The following FBXL20 variants were observed in gnomAD, a reference collection of about 807,000 sequenced individuals.
FBXL20 encodes F-box/LRR-repeat protein 20.
A neutral mutation model predicts 64.0 loss-of-function variants in FBXL20; 11 were observed. That is an observed-to-expected ratio of 0.17 (90% confidence interval 0.11 to 0.28). The LOEUF is 0.28. FBXL20 is among the 10% of genes least tolerant of loss of function. The pLI is 1.00. For synonymous variants in FBXL20, 184 were observed against 189.0 expected, an observed-to-expected ratio of 0.97 and a Z score of 0.22; for missense variants, 303 against 526.2, an observed-to-expected ratio of 0.58 and a Z score of 4.15.
At position 39,346,705 on chromosome 17, in the gene FBXL20, T is replaced by A. The variant is rs145802252; in HGVS notation, c.43-3464A>T. Among the ~76,000 whole-genome samples, 306 of 152,218 alleles carry A rather than the reference T, an allele frequency of 2.0e-3. 1 individual carries two copies. Among genetic ancestry groups the A allele is most frequent in the African/African-American group, 7.0e-3 (290 of 41,514 alleles). ...AATGACTGACAATTACTTTTTTTTT[T>A]ATTATACTTTAAGTTCTAGGGTACA... On this transcript the variant is annotated intron_variant, in intron 1 of 14. Transcript: ENST00000264658.
intron 1 of FBXL20, among the ~76,000 whole-genome samples, chr17:39,383,199 A>G (rs1453411768): frequency 6.6e-6 from 1 of 151,850 alleles, no homozygotes; most frequent in African/African-American, 2.4e-5. Context: ...AAATATTCAT[A>G]TAATGGAATA....
At chr17:39,277,910 G>A (rs748585420) in intron 9 of FBXL20, among the ~76,000 whole-genome samples, 1 of 152,142 alleles carries the variant, frequency 6.6e-6, no homozygotes, top group Admixed American at 6.6e-5. Context: ...TTATCACGCT[G>A]TAGGGAAGAA....
At chr17:39,296,937 T>G (rs1389112754) in intron 6 of FBXL20, among the ~76,000 whole-genome samples, 190 bp downstream of exon 6, 1 of 152,218 alleles carries the variant, frequency 6.6e-6, no homozygotes, top group South Asian at 2.1e-4. Context: ...TTAAATTGTA[T>G]CAAAGATAGA....
chr17:39,386,694 A>C (rs1277860722), intron 1 of FBXL20, among the ~76,000 whole-genome samples: 1 of 152,190 alleles, frequency 6.6e-6, no homozygotes, highest in African/African-American at 2.4e-5. Context: ...GAGTACCATT[A>C]GCATGAAGCA....
At chr17:39,396,799 CA>C (rs1210474640) in intron 1 of FBXL20, among the ~76,000 whole-genome samples, 1 of 150,044 alleles carries the variant, frequency 6.7e-6, no homozygotes, top group Non-Finnish European at 1.5e-5. Flanking sequence ...ACTAAAAATA[CA>C]AAAAAAATTA....
rs2144321587 is a variant in FBXL20, at chr17:39,257,764, G to A, written c.*3696C>T. The A allele has an allele frequency of 6.6e-6, 1 of 152,568 alleles. No homozygotes were observed. Among genetic ancestry groups the A allele is most frequent in the African/African-American group, 2.4e-5 (1 of 41,584 alleles). The allele number at this position is 152,568 out of a possible 1,614,324, so 9.5% of individuals were successfully genotyped here. ...GGAGAAGGATTCAAAAAGGAAGCTA[G>A]ACTTGAGACATCTGAGAGTAAATCA... On this transcript the variant is annotated 3_prime_UTR_variant, in exon 15 of 15. Coordinates refer to ENST00000264658, the MANE Select transcript of FBXL20 (RefSeq NM_032875.3).
At chr17:39,288,937 T>TCA (rs2047012763) in intron 6 of FBXL20, among the ~76,000 whole-genome samples, 1 of 152,062 alleles carries the variant, frequency 6.6e-6, no homozygotes, top group Non-Finnish European at 1.5e-5. Context: ...ACTCTTGACC[T>TCA]TGTGATCTGC....
rs112396552 is a variant in FBXL20 at position 39,285,425 on chromosome 17, TA to T, written c.494+52del. On this transcript the variant is annotated intron_variant, in intron 7 of 14. Coordinates refer to ENST00000264658, the MANE Select transcript of FBXL20 (RefSeq NM_032875.3). The stretch of plus-strand genomic sequence containing the variant: ...TCCCACTTTATATCAATTATTTTTT[TA>T]AAATATGTATTTTTTTTTGATTACT... 130 of 1,229,198 alleles carry T rather than the reference TA, an allele frequency of 1.1e-4. 1 individual carries two copies. The highest frequency in any genetic ancestry group is 1.6e-4 in the Admixed American group (7 of 43,542). 76.1% of individuals were successfully genotyped at this position (1,229,198 alleles called of 1,614,324 possible). A position where few individuals can be genotyped will look rare whatever the true frequency, so the allele number is the denominator to read the frequency against.
intron 1 of FBXL20, among the ~76,000 whole-genome samples, chr17:39,378,846 G>A (rs2047995390): frequency 6.6e-6 from 1 of 151,464 alleles, no homozygotes; most frequent in Non-Finnish European, 1.5e-5. Context: ...CCTGACCTCA[G>A]GTGATCCGCC....
chr17:39,286,976 G>A (rs186997985), intron 6 of FBXL20, among the ~76,000 whole-genome samples: 94 of 136,974 alleles, frequency 6.9e-4, no homozygotes, highest in Admixed American at 1.6e-3. Flanking sequence ...GCAGTGGCAC[G>A]ATCTTGGCTC....
In FBXL20 at chr17:39,255,242, C is replaced by G. The variant is rs2046684732; in HGVS notation, c.*6218G>C. Reference sequence around the variant, plus strand: ...CATGAGGTCAGGAGATCGAGACCATCCTGGCTAACAGGGTGAAACCCCGTC... The same window carrying G: ...CATGAGGTCAGGAGATCGAGACCATGCTGGCTAACAGGGTGAAACCCCGTC... On this transcript the variant is annotated 3_prime_UTR_variant, in exon 15 of 15. Coordinates refer to ENST00000264658, the MANE Select transcript of FBXL20 (RefSeq NM_032875.3). The G allele has an allele frequency of 6.6e-6, 1 of 151,526 alleles. No homozygotes were observed. The highest frequency in any genetic ancestry group is 2.4e-5 in the African/African-American group (1 of 41,154). 9.4% of individuals were successfully genotyped at this position (151,526 alleles called of 1,614,324 possible).
chr17:39,280,138 G>C (rs1326369222), intron 9 of FBXL20, among the ~76,000 whole-genome samples: 1 of 151,952 alleles, frequency 6.6e-6, no homozygotes, highest in Admixed American at 6.6e-5. Context: ...GGGAGGCTGA[G>C]GCAAGAAGAA....
intron 1 of FBXL20, among the ~76,000 whole-genome samples, chr17:39,374,855 C>T (rs529110469): frequency 7.4e-4 from 113 of 152,092 alleles, no homozygotes; most frequent in African/African-American, 2.6e-3. Flanking sequence ...AGCGTGATCT[C>T]GGCTCACTGC....
intron 1 of FBXL20, among the ~76,000 whole-genome samples, chr17:39,373,219 C>G (rs2047935379): frequency 6.6e-6 from 1 of 152,114 alleles, no homozygotes; most frequent in Non-Finnish European, 1.5e-5. Context: ...TAAACACACT[C>G]CTGGCTCCTC....
intron 10 of FBXL20, among the ~76,000 whole-genome samples, chr17:39,273,137 C>T (rs1483036298): frequency 6.6e-6 from 1 of 152,074 alleles, no homozygotes; most frequent in Non-Finnish European, 1.5e-5. Flanking sequence ...CTTGTCTCAG[C>T]CTCTCGAGTA....
intron 3 of FBXL20, 49 bp from the exon 4 acceptor site, chr17:39,301,124 G>A: frequency 6.5e-7 from 1 of 1,545,686 alleles, no homozygotes; most frequent in South Asian, 1.1e-5. Flanking sequence ...AAATTAAGGG[G>A]AAAAGGCAGC....
chr17:39,400,552 C>T (rs1567912026), intron 1 of FBXL20, among the ~76,000 whole-genome samples: 1 of 152,136 alleles, frequency 6.6e-6, no homozygotes, highest in East Asian at 1.9e-4. Context: ...TATTGTTATA[C>T]TACTGTAATT....
intron 12 of FBXL20, among the ~76,000 whole-genome samples, chr17:39,266,925 G>A (rs752333891): frequency 4.8e-4 from 73 of 152,312 alleles, no homozygotes; most frequent in Non-Finnish European, 8.7e-4. Context: ...GGAGGCTGAG[G>A]CAGGAGGATT....
intron 1 of FBXL20, among the ~76,000 whole-genome samples, chr17:39,347,033 T>C (rs2047640470): frequency 6.6e-6 from 1 of 152,228 alleles, no homozygotes; most frequent in African/African-American, 2.4e-5. Flanking sequence ...TCCTTTTTTA[T>C]GGCTGCATAG....
Sources: allele counts gnomAD v4.1 joint callset (sites outside exome capture counted in the v4.1 genomes callset), GRCh38; gene constraint gnomAD v4.1.1; transcripts MANE v1.5; gene names NCBI Gene and HGNC (gene_info 2026-07-23, HGNC 2026-07-21).